Variants in JCHAIN observed in about 807,000 individuals in gnomAD.
The protein encoded by JCHAIN is joining chain of multimeric IgA and IgM, also known as immunoglobulin J chain.
In JCHAIN, 5 loss-of-function variants were observed where a neutral mutation model predicts 11.1. That is an observed-to-expected ratio of 0.45 (90% CI 0.24 to 0.95). The LOEUF (loss-of-function observed/expected upper bound fraction) is 0.95. Ranked by LOEUF, JCHAIN falls within the 40% of genes least tolerant of loss-of-function variation. The pLI is 0.21. For missense variants in JCHAIN, 165 were observed against 192.7 expected, an observed-to-expected ratio of 0.86 and a Z score of 0.85; for synonymous variants, 51 against 67.8, an observed-to-expected ratio of 0.75 and a Z score of 1.22.
At chr4:70,665,946 G>T in intron 1 of JCHAIN, 1 of 284,776 alleles carries the variant, frequency 3.5e-6, no homozygotes, top group Non-Finnish European at 7.2e-6. Flanking sequence ...CAATTTATAG[G>T]CAACCTGTAT....
At position 70,662,753 on chromosome 4, in the gene JCHAIN, G is replaced by A. The variant is rs533803820; in HGVS notation, c.65-538C>T. Among the ~76,000 whole-genome samples, 31 of 152,278 alleles carry A rather than the reference G, an allele frequency of 2.0e-4. No individual in the cohort carries two copies. In the South Asian group the frequency reaches 4.6e-3, roughly 22 times the overall value. ...AGGCGGGCAGATCACAGGGTCAGGA[G>A]TTCAAGACCGGCCTGGCCAACATAG... On this transcript the variant is annotated intron_variant, in intron 1 of 3. Coordinates refer to ENST00000254801, the MANE Select transcript of JCHAIN (RefSeq NM_144646.4).
At chr4:70,658,140 C>G (rs1284891334) in intron 2 of JCHAIN, among the ~76,000 whole-genome samples, 1 of 152,150 alleles carries the variant, frequency 6.6e-6, no homozygotes, top group Non-Finnish European at 1.5e-5. Flanking sequence ...TAATCAATCT[C>G]ACAGTCCAGT....
At chr4:70,658,047 T>C (rs564280866) in intron 2 of JCHAIN, among the ~76,000 whole-genome samples, 1 of 152,240 alleles carries the variant, frequency 6.6e-6, no homozygotes, top group Non-Finnish European at 1.5e-5. Flanking sequence ...ACAAAAACCT[T>C]GTGTTTCCTA....
chr4:70,661,645 C>T (rs1190080035), intron 2 of JCHAIN, among the ~76,000 whole-genome samples: 1 of 151,962 alleles, frequency 6.6e-6, no homozygotes, highest in African/African-American at 2.4e-5. Flanking sequence ...AAAAAATTAT[C>T]CAGGTGTGGG....
At chr4:70,657,493 C>T (rs1445409815) in intron 2 of JCHAIN, among the ~76,000 whole-genome samples, 33 of 152,152 alleles carry the variant, frequency 2.2e-4, no homozygotes, top group Admixed American at 2.2e-3. Flanking sequence ...ATAAACCTCA[C>T]AACAACTCCG....
chr4:70,659,424 T>C (rs78878595), intron 2 of JCHAIN, among the ~76,000 whole-genome samples: 5,377 of 150,998 alleles, frequency 0.036, 326 homozygotes, highest in African/African-American at 0.12. Flanking sequence ...GAGGAGTGCA[T>C]ATGTAGTTCC....
Position 70,657,237 on chromosome 4 carries a change from G to A in JCHAIN, c.243C>T (p.Thr81=). The A allele has an allele frequency of 6.2e-7, 1 of 1,601,140 alleles. No homozygotes were observed. The highest frequency in any genetic ancestry group is 8.6e-7 in the Non-Finnish European group (1 of 1,168,922). ...GGTCAGACAAATGGTACACAAATCTGGTTCTCAATGGTGAGGTGGGATCAG... is the reference window on the plus strand; with the variant it reads ...GGTCAGACAAATGGTACACAAATCTAGTTCTCAATGGTGAGGTGGGATCAG... ...NISDPTSPLR[T]RFVYHLSDLC... Residue 81 remains threonine, a synonymous_variant, in exon 3 of 4, where the codon ACC becomes ACT. Coordinates refer to ENST00000254801, the MANE Select transcript of JCHAIN (RefSeq NM_144646.4).
chr4:70,663,789 G>A (rs1423072562), intron 1 of JCHAIN, among the ~76,000 whole-genome samples: 1 of 151,404 alleles, frequency 6.6e-6, no homozygotes, highest in Non-Finnish European at 1.5e-5. Context: ...TCGAACTCCT[G>A]ACCTCAGGTG....
chr4:70,660,572 C>CG (rs1553889658), intron 2 of JCHAIN, among the ~76,000 whole-genome samples: 1 of 151,854 alleles, frequency 6.6e-6, no homozygotes, highest in Non-Finnish European at 1.5e-5. Context: ...TTAGTAGAGA[C>CG]GGGGTTTCAC....
intron 2 of JCHAIN, among the ~76,000 whole-genome samples, chr4:70,660,372 T>C (rs1739030740): frequency 6.8e-6 from 1 of 147,748 alleles, no homozygotes; most frequent in African/African-American, 2.6e-5. Context: ...ACTACAGCAG[T>C]GCTGAATTTT....
At position 70,657,281 on chromosome 4, in the gene JCHAIN, T is replaced by C; in HGVS notation, c.199A>G (p.Asn67Asp). ...GGATCAGAGATATTCTCCCTGTTGT[T>C]CAGAGGAACACTAAAAGAAAAGAAA... is the stretch of plus-strand genomic sequence containing the variant. ...ERNIRIIVPL[N>D]NRENISDPTS... is the part of the protein sequence containing the mutation. The change falls in exon 3 of 4, where the codon AAC (asparagine) becomes GAC (aspartate). Residue 67 changes from asparagine to aspartate, a missense_variant. By Grantham distance (23) the Asn-to-Asp change is conservative. Coordinates refer to ENST00000254801, the MANE Select transcript of JCHAIN (RefSeq NM_144646.4). 6.3e-7 allele frequency: 1 copy of C among 1,591,814 alleles called. No individual in the cohort carries two copies. The highest frequency in any genetic ancestry group is 8.6e-7 in the Non-Finnish European group (1 of 1,160,518).
intron 1 of JCHAIN, among the ~76,000 whole-genome samples, chr4:70,665,696 GTTATTC>G (rs1285543922): frequency 6.6e-6 from 1 of 151,812 alleles, no homozygotes; most frequent in African/African-American, 2.4e-5. Context: ...TCATTAGAAA[GTTATTC>G]TTAATGCTAA....
At chr4:70,657,350 G>T in intron 2 of JCHAIN, 59 bp from the exon 3 acceptor site, 1 of 1,056,238 alleles carries the variant, frequency 9.5e-7, no homozygotes, top group South Asian at 1.3e-5. Context: ...TGTTATTTTT[G>T]GTAATGAGTA....
chr4:70,661,123 G>C (rs1739049065), intron 2 of JCHAIN, among the ~76,000 whole-genome samples: 1 of 152,194 alleles, frequency 6.6e-6, no homozygotes, highest in Non-Finnish European at 1.5e-5. Context: ...GGAATGGAAT[G>C]CTCTGTTCTC....
intron 1 of JCHAIN, 37 bp downstream of exon 1, chr4:70,666,390 T>A (rs936861272): frequency 6.9e-7 from 1 of 1,449,782 alleles, no homozygotes; most frequent in Middle Eastern, 1.7e-4. Context: ...CCTATATTTT[T>A]CCTTTGATCT....
rs764579156 is a variant in JCHAIN at position 70,656,252 on chromosome 4, A to T, written c.*77T>A. On this transcript the variant is annotated 3_prime_UTR_variant, in exon 4 of 4. Coordinates refer to ENST00000254801, the MANE Select transcript of JCHAIN (RefSeq NM_144646.4). Reference sequence around the variant, plus strand: ...AAGCCCTGGTTTCAAATTCATTGGTAATAAATATGCTAACTTTCTGAATCA... The same window carrying T: ...AAGCCCTGGTTTCAAATTCATTGGTTATAAATATGCTAACTTTCTGAATCA... The T allele has an allele frequency of 3.2e-4, 340 of 1,047,780 alleles. No homozygotes were observed. The highest frequency in any genetic ancestry group is 4.5e-4 in the Non-Finnish European group (319 of 703,474). The allele number at this position is 1,047,780 out of a possible 1,614,324, so 64.9% of individuals were successfully genotyped here. A position where few individuals can be genotyped will look rare whatever the true frequency, so the allele number is the denominator to read the frequency against.
At chr4:70,660,953 C>A (rs1455293123) in intron 2 of JCHAIN, among the ~76,000 whole-genome samples, 1 of 151,994 alleles carries the variant, frequency 6.6e-6, no homozygotes, top group Non-Finnish European at 1.5e-5. Context: ...TACAATAATC[C>A]TATGAGTTAA....
chr4:70,663,496 T>C (rs1235516130), intron 1 of JCHAIN: 1 of 150,396 alleles, frequency 6.6e-6, no homozygotes, highest in African/African-American at 2.4e-5. Context: ...CTGACCTTGA[T>C]AAGTATTGCA....
chr4:70,657,258 A>G lies in JCHAIN; in HGVS notation c.222T>C (p.Asp74=). 6.2e-7 allele frequency: 1 copy of G among 1,604,444 alleles called. No individual in the cohort carries two copies. The highest frequency in any genetic ancestry group is 8.5e-7 in the Non-Finnish European group (1 of 1,171,608). Residue 74 remains aspartate, a synonymous_variant, in exon 3 of 4, where the codon GAT becomes GAC. Transcript: ENST00000254801. The part of the protein sequence containing the change: ...VPLNNRENIS[D]PTSPLRTRFV... ...ATCTGGTTCTCAATGGTGAGGTGGG[A>G]TCAGAGATATTCTCCCTGTTGTTCA...
Sources: allele counts gnomAD v4.1 joint callset (sites outside exome capture counted in the v4.1 genomes callset), GRCh38; gene constraint gnomAD v4.1.1; transcripts MANE v1.5; gene names NCBI Gene and HGNC (gene_info 2026-07-23, HGNC 2026-07-21).